Variants in CSMD1 observed in about 807,000 individuals in gnomAD.
CSMD1 encodes CUB and sushi domain-containing protein 1.
CSMD1 carries 213 observed loss-of-function variants against 417.5 expected under a neutral mutation model. The observed-to-expected ratio is 0.51, with a 90% CI of 0.46 to 0.57. The LOEUF (loss-of-function observed/expected upper bound fraction) is 0.57, where lower values mean the gene tolerates loss of function less well. Ranked by LOEUF, CSMD1 falls within the 20% of genes least tolerant of loss-of-function variation. The pLI, the probability that CSMD1 is intolerant of heterozygous loss-of-function variation, is 0.00. For missense variants in CSMD1, 6,923 were observed against 4,529.7 expected, an observed-to-expected ratio of 1.53 and a Z score of -15.17; for synonymous variants, 2,862 against 1,736.8, an observed-to-expected ratio of 1.65 and a Z score of -16.11.
chr8:3,365,655 G>C (rs1235931822), intron 20 of CSMD1, among the ~76,000 whole-genome samples: 2 of 152,160 alleles, frequency 1.3e-5, no homozygotes, highest in African/African-American at 4.8e-5. Context: ...CAAAATATAT[G>C]TAGATACTAG....
chr8:2,960,622 G>A (rs763281347), intron 62 of CSMD1, among the ~76,000 whole-genome samples: 1 of 152,010 alleles, frequency 6.6e-6, no homozygotes, highest in Non-Finnish European at 1.5e-5. Context: ...TATTTAGTAC[G>A]CTAATAATTC....
chr8:3,825,770 T>A (rs1171322120), intron 5 of CSMD1, among the ~76,000 whole-genome samples: 1 of 152,070 alleles, frequency 6.6e-6, no homozygotes, highest in Non-Finnish European at 1.5e-5. Flanking sequence ...ACTGTGGAAA[T>A]GTAGAATATA....
intron 2 of CSMD1, among the ~76,000 whole-genome samples, chr8:4,589,801 T>C (rs930112688): frequency 6.6e-6 from 1 of 152,214 alleles, no homozygotes; most frequent in African/African-American, 2.4e-5. Context: ...CTTTGCCATG[T>C]CAAAGAGTAT....
At chr8:4,720,574 T>A (rs1047921612) in intron 1 of CSMD1, among the ~76,000 whole-genome samples, 1 of 152,194 alleles carries the variant, frequency 6.6e-6, no homozygotes, top group Non-Finnish European at 1.5e-5. Context: ...CATGCCACCA[T>A]GCCAGGCTAA....
intron 10 of CSMD1, among the ~76,000 whole-genome samples, chr8:3,546,054 A>T (rs1798645963): frequency 6.6e-6 from 1 of 152,252 alleles, no homozygotes; most frequent in Admixed American, 6.5e-5. Flanking sequence ...TTTCTCCATC[A>T]AGTTGACATT....
intron 7 of CSMD1, among the ~76,000 whole-genome samples, chr8:3,663,076 A>G (rs1798502018): frequency 1.3e-5 from 2 of 152,132 alleles, no homozygotes; most frequent in South Asian, 4.1e-4. Flanking sequence ...ATGTCAGCAA[A>G]ATCAGAGCCC....
intron 10 of CSMD1, among the ~76,000 whole-genome samples, chr8:3,559,728 A>G (rs1260412348): frequency 6.6e-6 from 1 of 152,188 alleles, no homozygotes; most frequent in Non-Finnish European, 1.5e-5. Flanking sequence ...TATTTTATAC[A>G]TATATCTACA....
intron 5 of CSMD1, among the ~76,000 whole-genome samples, chr8:3,869,275 G>A (rs1406962205): frequency 6.6e-6 from 1 of 152,072 alleles, no homozygotes; most frequent in African/African-American, 2.4e-5. Flanking sequence ...TTCTCAAATT[G>A]TGACACACCA....
rs571428269 is a variant in CSMD1 at position 4,958,144 on chromosome 8, T to C, written c.85+36188A>G. On this transcript the variant is annotated intron_variant, in intron 1 of 69. Transcript: ENST00000635120. ...GTCTTTCCTGTCCTTAGAACATATG[T>C]TTCCCTCAAACAAAATGTTGTTTCG... is the stretch of plus-strand genomic sequence containing the variant. 7.2e-5 allele frequency among the ~76,000 whole-genome samples: 11 copies of C among 152,292 alleles called. No homozygotes were observed. In the South Asian group the frequency reaches 1.7e-3, roughly 23 times the overall value.
rs1487868366 is a variant in CSMD1 at position 3,341,180 on chromosome 8, G to C, written c.3631+2114C>G. On this transcript the variant is annotated intron_variant, in intron 23 of 69. Coordinates refer to ENST00000635120, the MANE Select transcript of CSMD1 (RefSeq NM_033225.6). ...GGCTGAGCCTCGCCCACTGACGCAA[G>C]CCTTCTGGGTGAGGGAGGGTGGACA... 3.9e-5 allele frequency among the ~76,000 whole-genome samples: 6 copies of C among 152,106 alleles called. No homozygotes were observed. In the East Asian group the frequency reaches 9.7e-4, roughly 24 times the overall value.
intron 7 of CSMD1, among the ~76,000 whole-genome samples, chr8:3,654,879 A>G (rs1452901626): frequency 6.6e-6 from 1 of 152,140 alleles, no homozygotes; most frequent in Non-Finnish European, 1.5e-5. Context: ...GCTCTGCAAC[A>G]GACTGGGAGA....
chr8:4,635,219 G>A (rs1308471980), intron 2 of CSMD1, among the ~76,000 whole-genome samples: 1 of 152,078 alleles, frequency 6.6e-6, no homozygotes, highest in Non-Finnish European at 1.5e-5. Context: ...AAAACATTCT[G>A]TTGTACATAC....
At chr8:4,057,395 G>C (rs543607718) in intron 3 of CSMD1, among the ~76,000 whole-genome samples, 2,215 of 152,000 alleles carry the variant, frequency 0.015, 21 homozygotes, top group Middle Eastern at 0.024. Flanking sequence ...TTTTTTTCTT[G>C]TAAATTTGTT....
At chr8:4,644,624 G>T (rs1044890664) in intron 1 of CSMD1, among the ~76,000 whole-genome samples, 2 of 152,106 alleles carry the variant, frequency 1.3e-5, no homozygotes, top group African/African-American at 2.4e-5. Context: ...GCCCAGGCTG[G>T]GCAGGAACCT....
At chr8:3,354,904 T>TCTATAGATATGTCTATCTATAGATCG (rs1808665833) in intron 21 of CSMD1, among the ~76,000 whole-genome samples, 1 of 141,366 alleles carries the variant, frequency 7.1e-6, no homozygotes, top group African/African-American at 3.0e-5. Context: ...TCTATAGATC[T>TCTATAGATATGTCTATCTATAGATCG]ATCTATAGAT....
chr8:3,019,376 G>C (rs1038648933), intron 51 of CSMD1, among the ~76,000 whole-genome samples: 4 of 152,096 alleles, frequency 2.6e-5, no homozygotes, highest in Admixed American at 1.3e-4. Flanking sequence ...TTACATAGTA[G>C]TAATTACCAG....
intron 10 of CSMD1, among the ~76,000 whole-genome samples, chr8:3,511,963 G>T (rs572379391): frequency 6.6e-6 from 1 of 150,986 alleles, no homozygotes; most frequent in Non-Finnish European, 1.5e-5. Context: ...TTCACCTGCA[G>T]TTTTACAGTC....
chr8:4,802,496 C>G (rs983253767), intron 1 of CSMD1, among the ~76,000 whole-genome samples: 4 of 150,432 alleles, frequency 2.7e-5, no homozygotes, highest in African/African-American at 9.9e-5. Context: ...AAAAACAAGA[C>G]ACCACTTAAG....
intron 2 of CSMD1, among the ~76,000 whole-genome samples, chr8:4,463,021 G>C (rs555681235): frequency 6.6e-6 from 1 of 152,218 alleles, no homozygotes; most frequent in Non-Finnish European, 1.5e-5. Context: ...CTATAGAATA[G>C]GGAAAGTTTG....
Sources: gnomAD v4.1 joint callset for allele counts (sites outside exome capture counted in the v4.1 genomes callset) on GRCh38, gnomAD v4.1.1 for gene constraint, MANE v1.5 for transcripts, NCBI Gene and HGNC (gene_info 2026-07-23, HGNC 2026-07-21) for gene names.